RECQL5: variants seen among roughly 807,000 people sequenced by gnomAD.
RECQL5 encodes the protein RecQ like helicase 5.
A neutral mutation model predicts 103.4 loss-of-function variants in RECQL5; 88 were observed. The ratio of observed to expected loss-of-function variants is 0.85; its 90% CI spans 0.72 to 1.02. The LOEUF (loss-of-function observed/expected upper bound fraction) is 1.02. Ranked by LOEUF, RECQL5 falls within the 50% of genes least tolerant of loss-of-function variation. The pLI is 0.00. For missense variants in RECQL5, 1,232 were observed against 1,284.3 expected, an observed-to-expected ratio of 0.96 and a Z score of 0.62; for synonymous variants, 552 against 507.9, an observed-to-expected ratio of 1.09 and a Z score of -1.17.
intron 19 of RECQL5, 35 bp from the exon 20 acceptor site, chr17:75,627,557 C>T (rs368579945): frequency 6.0e-5 from 97 of 1,609,778 alleles, no homozygotes; most frequent in Non-Finnish European, 7.8e-5. Flanking sequence ...AGGAGGTGAG[C>T]GTTAGCCTCC....
chr17:75,631,158 GCTGCAT>G lies in RECQL5; in HGVS notation c.1534_1539del (p.Met512_Gln513del), dbSNP rs2059205828. 6.2e-7 allele frequency: 1 copy of G among 1,613,690 alleles called. No homozygotes were observed. Among genetic ancestry groups the G allele is most frequent in the African/African-American group, 1.3e-5 (1 of 74,934 alleles). On this transcript the variant is annotated inframe_deletion, in exon 10 of 20. Transcript: ENST00000317905. ...TGAGTGCCTCCCCTCACCTTGCGCA[GCTGCAT>G]CTGCTTCTGATAGAAGAGGTTCCAC...
At position 75,649,650 on chromosome 17, in the gene RECQL5, T is replaced by C. The variant is rs538840633; in HGVS notation, c.1229+1536A>G. 4.1e-4 allele frequency: 406 copies of C among 985,486 alleles called. 2 individuals carry two copies. Among genetic ancestry groups the C allele is most frequent in the Non-Finnish European group, 4.6e-4 (385 of 829,940 alleles). 61.0% of individuals were successfully genotyped at this position (985,486 alleles called of 1,614,324 possible). ...TCTGGTGGAGAAGGGGCTTTTTCTT[T>C]GTGCTACACGCCAGTTATGCAATAA... On this transcript the variant is annotated intron_variant, in intron 8 of 19. Coordinates refer to ENST00000317905, the MANE Select transcript of RECQL5 (RefSeq NM_004259.7).
intron 8 of RECQL5, among the ~76,000 whole-genome samples, chr17:75,633,260 C>T (rs2059254602): frequency 2.0e-5 from 3 of 152,250 alleles, no homozygotes; most frequent in Admixed American, 1.3e-4. Flanking sequence ...CCTCCTCAGG[C>T]CCTGACTCAC....
At chr17:75,651,344 G>A (rs753442878) in intron 7 of RECQL5, 79 bp from the exon 8 acceptor site, 181 of 1,527,426 alleles carry the variant, frequency 1.2e-4, no homozygotes, top group Non-Finnish European at 1.3e-4. Context: ...TGAGGAGGCC[G>A]AGTGCGGTGG....
In RECQL5 at chr17:75,661,021, T is replaced by A. The variant is rs2148339684; in HGVS notation, c.920A>T (p.Glu307Val). The change falls in exon 6 of 20, where the codon GAG becomes GTG. Residue 307 changes from glutamate to valine, a missense_variant. Glu to Val is a moderately radical substitution (Grantham distance 121). Coordinates refer to ENST00000317905, the MANE Select transcript of RECQL5 (RefSeq NM_004259.7). The stretch of plus-strand genomic sequence containing the variant: ...TGCAACAATTACAGGGACCTTCTCC[T>A]CCATCCAGTCGTTCTGCACCAGCGT... ...ERTLVQNDWM[E>V]EKVPVIVATI... 1.9e-6 allele frequency: 3 copies of A among 1,614,164 alleles called. No homozygotes were observed. Among genetic ancestry groups the A allele is most frequent in the East Asian group, 4.5e-5 (2 of 44,880 alleles).
Position 75,631,524 on chromosome 17 carries a change from G to A in RECQL5, c.1374C>T (p.Ile458=), listed in dbSNP as rs778273536. The stretch of plus-strand genomic sequence containing the variant: ...CAAAGCCGTTCCCCTGGGAGGGCCC[G>A]ATGCAGGTCTTGCTCCAGCTGCTGC... ...ERSSSWSKTC[I]GPSQGNGFDP... is the part of the protein sequence containing the mutation. The change falls in exon 9 of 20, where the codon ATC becomes ATT. Residue 458 remains isoleucine (I), a synonymous_variant. Transcript: ENST00000317905. 106 of 1,613,170 alleles carry A rather than the reference G, an allele frequency of 6.6e-5. No individual in the cohort carries two copies. The highest frequency in any genetic ancestry group is 1.5e-4 in the African/African-American group (11 of 74,940).
chr17:75,656,281 T>C (rs1369563552), intron 7 of RECQL5, among the ~76,000 whole-genome samples: 1 of 151,950 alleles, frequency 6.6e-6, no homozygotes, highest in African/African-American at 2.4e-5. Context: ...TTTCTCCATG[T>C]TGGTCAGGCT....
At chr17:75,633,320 G>T (rs1027495505) in intron 8 of RECQL5, 4 of 674,484 alleles carry the variant, frequency 5.9e-6, no homozygotes, top group Middle Eastern at 5.5e-4. Context: ...CGGGGCTGGG[G>T]TCGGTTTCTC....
At chr17:75,639,062 T>C (rs1217628328) in intron 8 of RECQL5, 3 of 152,296 alleles carry the variant, frequency 2.0e-5, no homozygotes, top group Non-Finnish European at 4.4e-5. Context: ...GCCTCAAGGA[T>C]GGCCGCAGGC....
intron 8 of RECQL5, among the ~76,000 whole-genome samples, chr17:75,635,496 C>T (rs889071896): frequency 1.3e-5 from 2 of 152,224 alleles, no homozygotes; most frequent in Non-Finnish European, 2.9e-5. Flanking sequence ...CAGCAGAAAG[C>T]GCTTCCTCCC....
intron 8 of RECQL5, chr17:75,650,075 A>C (rs1376690119): frequency 1.0e-6 from 1 of 985,816 alleles, no homozygotes; most frequent in Non-Finnish European, 1.2e-6. Context: ...GAACAGGAAC[A>C]CTTGGCCCTT....
intron 8 of RECQL5, 115 bp downstream of exon 8, chr17:75,651,071 C>T: frequency 1.3e-6 from 2 of 1,591,740 alleles, no homozygotes; most frequent in Non-Finnish European, 1.7e-6. Context: ...CCTTTGCAGG[C>T]AGGTGTCCCT....
At chr17:75,642,771 T>C (rs191997921) in intron 8 of RECQL5, among the ~76,000 whole-genome samples, 1 of 152,330 alleles carries the variant, frequency 6.6e-6, no homozygotes, top group African/African-American at 2.4e-5. Flanking sequence ...AAGATACCAC[T>C]ATTACCCCCA....
chr17:75,637,663 C>T (rs1046419367), intron 8 of RECQL5: 7 of 152,298 alleles, frequency 4.6e-5, no homozygotes, highest in African/African-American at 1.7e-4. Flanking sequence ...CCTGGTGTGG[C>T]CCCGGCCTGG....
At position 75,629,198 on chromosome 17, in the gene RECQL5, G is replaced by A; in HGVS notation, c.2225C>T (p.Ala742Val). 6.2e-7 allele frequency: 1 copy of A among 1,613,586 alleles called. No homozygotes were observed. Among genetic ancestry groups the A allele is most frequent in the Non-Finnish European group, 8.5e-7 (1 of 1,179,986 alleles). ...AKSSSGGSSL[A>V]KGRASKKQQL... ...CTGTTTCTTGCTAGCCCGGCCCTTGGCAAGGGAGCTGCCCCCAGAGGAACT... is the reference window on the plus strand; with the variant it reads ...CTGTTTCTTGCTAGCCCGGCCCTTGACAAGGGAGCTGCCCCCAGAGGAACT... The change falls in exon 16 of 20, where the codon GCC (alanine) becomes GTC (valine). Residue 742 changes from alanine (A) to valine (V), a missense_variant. Ala to Val is a moderately conservative substitution (Grantham distance 64). Transcript: ENST00000317905.
chr17:75,664,939 AAAAAG>A (rs1194138776), intron 3 of RECQL5, 107 bp downstream of exon 3: 2 of 1,374,642 alleles, frequency 1.5e-6, no homozygotes, highest in Non-Finnish European at 1.9e-6. Context: ...AAGGAAAAAG[AAAAAG>A]AAAAGAAAAT....
In RECQL5 at chr17:75,647,615, C is replaced by T. The variant is rs762514202; in HGVS notation, c.1229+3571G>A. 7.1e-5 allele frequency: 109 copies of T among 1,526,240 alleles called. No individual in the cohort carries two copies. In the African/African-American group the frequency reaches 1.1e-3, roughly 15 times the overall value. The allele number at this position is 1,526,240 out of a possible 1,614,324, so 94.5% of individuals were successfully genotyped here. A position where few individuals can be genotyped will look rare whatever the true frequency, so the allele number is the denominator to read the frequency against. Reference sequence around the variant, plus strand: ...GCAGCAGGGGAGGCGAGCTGACCTGCCCCCATTCCAGTGGTGGGCCCCTTC... The same window carrying T: ...GCAGCAGGGGAGGCGAGCTGACCTGTCCCCATTCCAGTGGTGGGCCCCTTC... On this transcript the variant is annotated intron_variant, in intron 8 of 19. Coordinates refer to ENST00000317905, the MANE Select transcript of RECQL5 (RefSeq NM_004259.7).
rs1473683087 is a variant in RECQL5, at chr17:75,658,278, T to C, written c.1149+20A>G. Reference sequence around the variant, plus strand: ...GAGTGGTGGGTCAGACTGAAAGACCTTCTACTGCCCAAGCCTTACCTGGAG... The same window carrying C: ...GAGTGGTGGGTCAGACTGAAAGACCCTCTACTGCCCAAGCCTTACCTGGAG... On this transcript the variant is annotated intron_variant, in intron 7 of 19. Transcript: ENST00000317905. 2.5e-6 allele frequency: 4 copies of C among 1,609,576 alleles called. No individual in the cohort carries two copies. Among genetic ancestry groups the C allele is most frequent in the Non-Finnish European group, 3.4e-6 (4 of 1,177,186 alleles).
rs747983844 is a variant in RECQL5 at position 75,662,926 on chromosome 17, T to C, written c.324A>G (p.Glu108=). The C allele has an allele frequency of 6.2e-7, 1 of 1,614,158 alleles. No individual in the cohort carries two copies. The highest frequency in any genetic ancestry group is 1.1e-5 in the South Asian group (1 of 91,084). Residue 108 remains glutamate (E), a synonymous_variant, in exon 4 of 20, where the codon GAA becomes GAG. Transcript: ENST00000317905. ...CCAGGTCAGCAAGCAGCTCCTTCCT[T>C]TCCTGTGCAGAGAGCTTCGAGTTCA... ...SSLNSKLSAQ[E]RKELLADLER...
Sources: gnomAD v4.1 joint callset for allele counts (sites outside exome capture counted in the v4.1 genomes callset) on GRCh38, gnomAD v4.1.1 for gene constraint, MANE v1.5 for transcripts, NCBI Gene and HGNC (gene_info 2026-07-23, HGNC 2026-07-21) for gene names.